ANKMY1: variants seen among roughly 807,000 people sequenced by gnomAD.
ANKMY1 encodes ankyrin repeat and MYND domain containing 1.
Under a neutral mutation model 102.0 loss-of-function variants are expected in ANKMY1, and 98 were observed. The observed-to-expected ratio is 0.96, with a 90% CI of 0.82 to 1.14. The LOEUF (loss-of-function observed/expected upper bound fraction) is 1.14, where lower values mean the gene tolerates loss of function less well. Ranked by LOEUF, ANKMY1 falls within the 50% of genes most tolerant of loss-of-function variation. ANKMY1 has a pLI of 0.00. For synonymous variants in ANKMY1, 582 were observed against 559.9 expected, an observed-to-expected ratio of 1.04 and a Z score of -0.56; for missense variants, 1,330 against 1,347.6, an observed-to-expected ratio of 0.99 and a Z score of 0.20.
chr2:240,530,451 T>A (rs537008589), intron 4 of ANKMY1, among the ~76,000 whole-genome samples: 31 of 152,146 alleles, frequency 2.0e-4, no homozygotes, highest in Non-Finnish European at 3.5e-4. Context: ...TAAAAGCATG[T>A]GGCACCTCCT....
In ANKMY1 at chr2:240,529,643, C is replaced by G. The variant is rs2084835450; in HGVS notation, c.481-134G>C. On this transcript the variant is annotated intron_variant, in intron 4 of 17. Coordinates refer to ENST00000401804, the MANE Select transcript of ANKMY1 (RefSeq NM_001282771.3). This position sits in a 1 kb window ranked among gnomAD's most constrained non-coding sequence, Gnocchi z 4.2. ...ATGCATGCATTCAGCCAGTAAACAT[C>G]TCTGGAGGCTTAGGCTGTGCCGCCC... is the stretch of plus-strand genomic sequence containing the variant. The G allele has an allele frequency of 1.1e-6, 1 of 889,590 alleles. No individual in the cohort carries two copies. The highest frequency in any genetic ancestry group is 1.7e-5 in the African/African-American group (1 of 59,108). 55.1% of individuals were successfully genotyped at this position (889,590 alleles called of 1,614,324 possible).
At chr2:240,488,902 A>G (rs569802824) in intron 15 of ANKMY1, among the ~76,000 whole-genome samples, 4 of 152,330 alleles carry the variant, frequency 2.6e-5, no homozygotes, top group Non-Finnish European at 5.9e-5. Context: ...ATAGAATAAT[A>G]TCATCAGCAA....
At chr2:240,477,450 A>G (rs1161249268), downstream of ANKMY1, among the ~76,000 whole-genome samples, 1 of 152,242 alleles carries the variant, frequency 6.6e-6, no homozygotes, top group Non-Finnish European at 1.5e-5. Context: ...AGGCCAGAGC[A>G]CAGTGGTGCC....
downstream of ANKMY1, among the ~76,000 whole-genome samples, chr2:240,477,766 T>C (rs1159143254): frequency 6.6e-6 from 1 of 152,224 alleles, no homozygotes; most frequent in Non-Finnish European, 1.5e-5. Context: ...AAAGCTATAT[T>C]CATTTGGGGA....
chr2:240,553,111 A>T (rs10933614), intron 3 of ANKMY1, 54 bp from the exon 4 acceptor site: 170,795 of 1,591,828 alleles, frequency 0.11, 10,021 homozygotes, highest in Non-Finnish European at 0.12. Flanking sequence ...ACCTGACGGG[A>T]TGCCCTTGAG....
Position 240,529,384 on chromosome 2 carries a change from GA to G in ANKMY1, c.605del (p.Phe202SerfsTer48), listed in dbSNP as rs2084741398. ...AGAACTCAGGGTATCTGAGGAGGGA[GA>G]AGCCACTGGGGATCTGGGTGCACAG... is the stretch of plus-strand genomic sequence containing the variant. ...IKLCTQIPSGFSLLRYPEFSS... is the reference protein window; with the variant it reads ...IKLCTQIPSGXSLLRYPEFSS... On this transcript the variant is annotated frameshift_variant, in exon 5 of 18. Coordinates refer to ENST00000401804, the MANE Select transcript of ANKMY1 (RefSeq NM_001282771.3). LOFTEE classifies it high-confidence loss of function. This position sits in a 1 kb window ranked among gnomAD's most constrained non-coding sequence, Gnocchi z 4.2. The G allele has an allele frequency of 3.1e-6, 5 of 1,614,054 alleles. No homozygotes were observed. The highest frequency in any genetic ancestry group is 4.2e-6 in the Non-Finnish European group (5 of 1,180,006).
At chr2:240,554,006 C>G (rs572170988) in intron 3 of ANKMY1, 2 of 152,340 alleles carry the variant, frequency 1.3e-5, no homozygotes, top group South Asian at 4.1e-4. Flanking sequence ...CTGGAGTGCC[C>G]GCACAGCCAT....
downstream of ANKMY1, among the ~76,000 whole-genome samples, chr2:240,478,501 T>C (rs982666689): frequency 6.6e-5 from 10 of 152,040 alleles, no homozygotes; most frequent in African/African-American, 2.2e-4. Flanking sequence ...GGGAGCCAGC[T>C]CACACAGTTA....
chr2:240,540,043 C>A (rs2088251331), intron 4 of ANKMY1, among the ~76,000 whole-genome samples: 1 of 152,220 alleles, frequency 6.6e-6, no homozygotes, highest in South Asian at 2.1e-4. Flanking sequence ...CATGGCAAGG[C>A]CACACCTGCA....
intron 14 of ANKMY1, 65 bp downstream of exon 14, chr2:240,500,387 C>T: frequency 6.7e-7 from 1 of 1,496,372 alleles, no homozygotes; most frequent in Admixed American, 1.8e-5. Flanking sequence ...AGCTAATGCC[C>T]CAGCCGGGGG....
In ANKMY1 at chr2:240,520,540, A is replaced by G; in HGVS notation, c.1833-7T>C. 8 of 1,608,982 alleles carry G rather than the reference A, an allele frequency of 5.0e-6. No homozygotes were observed. Among genetic ancestry groups the G allele is most frequent in the Non-Finnish European group, 6.8e-6 (8 of 1,177,414 alleles). On this transcript the variant is annotated splice_polypyrimidine_tract_variant and splice_region_variant and intron_variant, in intron 8 of 17. Transcript: ENST00000401804. The surrounding 1 kb of genome is among the most constrained non-coding windows in gnomAD (Gnocchi z 4.8). ...CCGCCAGCGCTTCCTCCGCCTGAAAAAGACGGTGCGCCCGTGGGCCCCTGG... is the reference window on the plus strand; with the variant it reads ...CCGCCAGCGCTTCCTCCGCCTGAAAGAGACGGTGCGCCCGTGGGCCCCTGG...
Position 240,481,201 on chromosome 2 carries a change from T to C in ANKMY1, c.2886-104A>G, listed in dbSNP as rs2075340124. 2.1e-6 allele frequency: 3 copies of C among 1,418,606 alleles called. No individual in the cohort carries two copies. The South Asian group carries it at 4.0e-5, about 19-fold the overall frequency. 87.9% of individuals were successfully genotyped at this position (1,418,606 alleles called of 1,614,324 possible). A position where few individuals can be genotyped will look rare whatever the true frequency, so the allele number is the denominator to read the frequency against. On this transcript the variant is annotated intron_variant, in intron 16 of 17. Coordinates refer to ENST00000401804, the MANE Select transcript of ANKMY1 (RefSeq NM_001282771.3). ...GCCTGGCCCTGAGCTCCTGGGCTAT[T>C]CCCCACCGTCCCGCACTGTCCCCTG...
Position 240,527,220 on chromosome 2 carries a change from T to C in ANKMY1, c.954-775A>G, listed in dbSNP as rs986223608. On this transcript the variant is annotated intron_variant, in intron 5 of 17. Transcript: ENST00000401804. ...GATGAATGGGTGCCGCATTGGTGGA[T>C]TGATGGATGAATGGATGGGTGGGTG... The C allele has an allele frequency of 8.8e-4, 132 of 149,830 alleles. 2 individuals are homozygous for C. The highest frequency in any genetic ancestry group is 2.0e-4 in the Non-Finnish European group (14 of 71,442). The allele number at this position is 149,830 out of a possible 1,614,324, so 9.3% of individuals were successfully genotyped here.
At position 240,553,020 on chromosome 2, in the gene ANKMY1, C is replaced by A; in HGVS notation, c.374G>T (p.Gly125Val). 6.2e-7 allele frequency: 1 copy of A among 1,613,976 alleles called. No homozygotes were observed. Among genetic ancestry groups the A allele is most frequent in the Non-Finnish European group, 8.5e-7 (1 of 1,180,004 alleles). Residue 125 changes from glycine (G) to valine (V), a missense_variant, in exon 4 of 18, where the codon GGC becomes GTC. By Grantham distance (109) the Gly-to-Val change is moderately radical. Transcript: ENST00000401804. ...ATCTGGCCACATGTAGGTACCCAGG[C>A]CATGGCAGTGGTCCCGGTAAAACTG... ...HGQFYRDHCH[G>V]LGTYMWPDGS...
At chr2:240,521,449 G>C (rs1417473030) in intron 8 of ANKMY1, among the ~76,000 whole-genome samples, 2 of 148,306 alleles carry the variant, frequency 1.3e-5, no homozygotes, top group African/African-American at 2.5e-5. Flanking sequence ...TGTTGGTCTC[G>C]CTGACTTCAA....
rs750018431 is a variant in ANKMY1, at chr2:240,552,959, G to T, written c.435C>A (p.His145Gln). The change falls in exon 4 of 18, where the codon CAC becomes CAA. Residue 145 changes from histidine to glutamine, a missense_variant. Physicochemically the swap from His to Gln is conservative, Grantham distance 24. Transcript: ENST00000401804. ...SSFTGTFYLS[H>Q]REGYGTMYMK... is the part of the protein sequence containing the mutation. ...TGTACATGGTGCCGTAGCCTTCTCG[G>T]TGGCTGAGGTAAAATGTGCCCGTGA... 1.9e-6 allele frequency: 3 copies of T among 1,613,880 alleles called. No homozygotes were observed. The highest frequency in any genetic ancestry group is 2.5e-6 in the Non-Finnish European group (3 of 1,180,030).
intron 15 of ANKMY1, among the ~76,000 whole-genome samples, chr2:240,492,981 C>G (rs571596408): frequency 1.3e-5 from 2 of 152,280 alleles, no homozygotes; most frequent in African/African-American, 4.8e-5. Flanking sequence ...AGCCACCTCA[C>G]CTGGCCTAAA....
At chr2:240,542,459 G>A (rs1197899024) in intron 4 of ANKMY1, among the ~76,000 whole-genome samples, 6 of 151,538 alleles carry the variant, frequency 4.0e-5, no homozygotes, top group East Asian at 2.0e-4. Context: ...AGCTGATACC[G>A]CGCCACTGCA....
At chr2:240,532,047 G>C (rs771583528) in intron 4 of ANKMY1, 2 of 462,680 alleles carry the variant, frequency 4.3e-6, no homozygotes, top group South Asian at 1.6e-5. Context: ...GTACCAGAGA[G>C]AGAGGAGAGA....
Sources: gnomAD v4.1 joint callset for allele counts (sites outside exome capture counted in the v4.1 genomes callset) on GRCh38, gnomAD v4.1.1 for gene constraint, Gnocchi (gnomAD v3.1) non-coding constraint, MANE v1.5 for transcripts, NCBI Gene and HGNC (gene_info 2026-07-23, HGNC 2026-07-21) for gene names.